ITSN1: variants seen among roughly 807,000 people sequenced by gnomAD.
ITSN1 encodes intersectin 1.
Under a neutral mutation model 239.8 loss-of-function variants are expected in ITSN1, and 58 were observed. The ratio of observed to expected loss-of-function variants is 0.24; its 90% confidence interval spans 0.20 to 0.30. The LOEUF is 0.30. Among genes scored for constraint, ITSN1 ranks in the 10% least tolerant of loss-of-function variants. The pLI is 1.00. For synonymous variants in ITSN1, 780 were observed against 770.8 expected, an observed-to-expected ratio of 1.01 and a Z score of -0.20; for missense variants, 1,558 against 2,103.3, an observed-to-expected ratio of 0.74 and a Z score of 5.07.
Position 33,818,255 on chromosome 21 carries a change from A to G in ITSN1, c.2728-12A>G, listed in dbSNP as rs1169756305. 6.2e-7 allele frequency: 1 copy of G among 1,612,872 alleles called. No homozygotes were observed. The highest frequency in any genetic ancestry group is 8.5e-7 in the Non-Finnish European group (1 of 1,178,908). On this transcript the variant is annotated splice_polypyrimidine_tract_variant and intron_variant, in intron 22 of 39. Coordinates refer to ENST00000381318, the MANE Select transcript of ITSN1 (RefSeq NM_003024.3). ...AACATAACGAGAGGTCCTTTATGTT[A>G]TTCCACACAAGGGTGAAAAGGTGGA... is the stretch of plus-strand genomic sequence containing the variant.
intron 1 of ITSN1, among the ~76,000 whole-genome samples, chr21:33,649,458 A>G (rs552106052): frequency 1.3e-5 from 2 of 152,388 alleles, no homozygotes; most frequent in East Asian, 3.9e-4. Flanking sequence ...TTTTTCTAGT[A>G]GAATTAATGA....
intron 5 of ITSN1, among the ~76,000 whole-genome samples, chr21:33,739,530 C>G (rs971403416): frequency 2.0e-5 from 3 of 152,178 alleles, no homozygotes; most frequent in Admixed American, 1.3e-4. Context: ...GAAATAAATA[C>G]TTTTAGGTGA....
intron 27 of ITSN1, among the ~76,000 whole-genome samples, chr21:33,831,987 G>A (rs1400119580): frequency 6.6e-6 from 1 of 152,070 alleles, no homozygotes; most frequent in Non-Finnish European, 1.5e-5. Context: ...GGTCCTTCCA[G>A]CATCATGCCC....
intron 4 of ITSN1, among the ~76,000 whole-genome samples, chr21:33,732,239 T>A (rs747988629): frequency 1.8e-4 from 27 of 152,158 alleles, no homozygotes; most frequent in Non-Finnish European, 3.2e-4. Context: ...TATCAGACTT[T>A]AAGAGCCTCC....
intron 33 of ITSN1, among the ~76,000 whole-genome samples, chr21:33,868,277 C>T (rs978731543): frequency 4.0e-4 from 61 of 152,242 alleles, no homozygotes; most frequent in Non-Finnish European, 6.6e-4. Context: ...CACACCGGGG[C>T]TGCAGCTGGA....
intron 14 of ITSN1, among the ~76,000 whole-genome samples, chr21:33,780,721 A>G (rs1372070582): frequency 3.3e-5 from 5 of 152,242 alleles, no homozygotes; most frequent in East Asian, 1.9e-4. Flanking sequence ...AAAGTCAAAT[A>G]TTCTTTATTA....
chr21:33,729,055 A>G (rs2066004660), intron 4 of ITSN1, among the ~76,000 whole-genome samples: 1 of 152,220 alleles, frequency 6.6e-6, no homozygotes, highest in Non-Finnish European at 1.5e-5. Context: ...AGGTGCCAAC[A>G]CTGCAGGGAA....
At chr21:33,766,144 T>A in intron 10 of ITSN1, 132 bp downstream of exon 10, 2 of 906,944 alleles carry the variant, frequency 2.2e-6, no homozygotes, top group Non-Finnish European at 3.4e-6. Context: ...TTCTAGAGAC[T>A]CTCATCTAGG....
At chr21:33,737,407 A>G (rs1397752442) in intron 5 of ITSN1, among the ~76,000 whole-genome samples, 1 of 152,196 alleles carries the variant, frequency 6.6e-6, no homozygotes, top group Non-Finnish European at 1.5e-5. Context: ...CATGAAGGAT[A>G]TCAGAACATA....
intron 1 of ITSN1, among the ~76,000 whole-genome samples, chr21:33,690,870 A>G (rs1016125271): frequency 1.6e-5 from 2 of 123,964 alleles, no homozygotes; most frequent in South Asian, 2.5e-4. Flanking sequence ...AAAAAGACCC[A>G]TTTCTGCCGA....
At chr21:33,730,416 T>TC (rs1555889875) in intron 4 of ITSN1, among the ~76,000 whole-genome samples, 4 of 141,848 alleles carry the variant, frequency 2.8e-5, no homozygotes, top group Non-Finnish European at 6.1e-5. Context: ...TTTTTTTTTT[T>TC]CTGGAGACAG....
intron 1 of ITSN1, among the ~76,000 whole-genome samples, chr21:33,650,309 C>T (rs1330533999): frequency 6.6e-6 from 1 of 152,112 alleles, no homozygotes; most frequent in Non-Finnish European, 1.5e-5. Context: ...CTTTAACCAA[C>T]CTAGTTAAGA....
chr21:33,777,836 C>T (rs1214605908), intron 14 of ITSN1, among the ~76,000 whole-genome samples: 1 of 152,182 alleles, frequency 6.6e-6, no homozygotes, highest in African/African-American at 2.4e-5. Flanking sequence ...ACCTCCCATA[C>T]TATATTGGAT....
At position 33,725,130 on chromosome 21, in the gene ITSN1, TTTG is replaced by T. The variant is rs1467553150; in HGVS notation, c.185+2482_185+2484del. Among the ~76,000 whole-genome samples the T allele has an allele frequency of 6.3e-3, 807 of 127,212 alleles. 8 individuals are homozygous for T. Among genetic ancestry groups the T allele is most frequent in the African/African-American group, 0.013 (409 of 31,016 alleles). The allele number at this position is 127,212 out of a possible 152,430, so 83.5% of individuals were successfully genotyped here. A position where few individuals can be genotyped will look rare whatever the true frequency, so the allele number is the denominator to read the frequency against. ...AAAAAAAAAAAAAAAATTTTTTTTT[TTTG>T]TTTTTTTTTTTTTTTTTTTGAGATG... On this transcript the variant is annotated intron_variant, in intron 4 of 39. Transcript: ENST00000381318.
chr21:33,680,692 T>A (rs368035204), intron 1 of ITSN1, among the ~76,000 whole-genome samples: 1 of 3,296 alleles, frequency 3.0e-4, no homozygotes, highest in African/African-American at 0.02. Context: ...GTCCACCAAA[T>A]GTCTGAAGTC....
At chr21:33,885,781 G>A (rs76669150) in intron 38 of ITSN1, among the ~76,000 whole-genome samples, 2,181 of 152,262 alleles carry the variant, frequency 0.014, 55 homozygotes, top group African/African-American at 0.049. Flanking sequence ...CCAAAGTAAC[G>A]AGACAGGAAG....
chr21:33,836,067 G>A (rs898090456), intron 28 of ITSN1, among the ~76,000 whole-genome samples: 6 of 152,220 alleles, frequency 3.9e-5, no homozygotes, highest in African/African-American at 1.2e-4. Context: ...ATGATACATA[G>A]CTGTCCTGTG....
Position 33,730,703 on chromosome 21 carries a change from T to G in ITSN1, c.186-4341T>G, listed in dbSNP as rs147158736. The stretch of plus-strand genomic sequence containing the variant: ...GCGTGAGCCACCGTGCCCAGCCTGT[T>G]TTTTTGTTTTTGTTTTTGTTTGAGA... On this transcript the variant is annotated intron_variant, in intron 4 of 39. Transcript: ENST00000381318. Among the ~76,000 whole-genome samples the G allele has an allele frequency of 4.0e-3, 550 of 137,012 alleles. 2 individuals are homozygous for G. The highest frequency in any genetic ancestry group is 0.014 in the African/African-American group (519 of 36,150). The allele number at this position is 137,012 out of a possible 152,430, so 89.9% of individuals were successfully genotyped here. A position where few individuals can be genotyped will look rare whatever the true frequency, so the allele number is the denominator to read the frequency against.
chr21:33,806,882 G>A (rs553222963), intron 20 of ITSN1, among the ~76,000 whole-genome samples: 7 of 152,154 alleles, frequency 4.6e-5, no homozygotes, highest in Non-Finnish European at 7.3e-5. Flanking sequence ...TTCTTGGTCT[G>A]CCATAATCTT....
Sources: allele counts gnomAD v4.1 joint callset (sites outside exome capture counted in the v4.1 genomes callset), GRCh38; gene constraint gnomAD v4.1.1; transcripts MANE v1.5; gene names NCBI Gene and HGNC (gene_info 2026-07-23, HGNC 2026-07-21).